The following ENO1 variants were observed in gnomAD, a reference collection of about 807,000 sequenced individuals.
ENO1 encodes enolase 1.
In ENO1, 33 loss-of-function variants were observed where a neutral mutation model predicts 46.3. The observed-to-expected ratio is 0.71, with a 90% CI of 0.54 to 0.95. The LOEUF (loss-of-function observed/expected upper bound fraction) is 0.95, where lower values mean the gene tolerates loss of function less well. Among genes scored for constraint, ENO1 ranks in the 40% least tolerant of loss-of-function variants. ENO1 has a pLI of 0.00. For synonymous variants in ENO1, 220 were observed against 216.0 expected (o/e 1.02, Z -0.16); for missense variants, 488 against 553.3 (o/e 0.88, Z 1.18).
Position 8,861,163 on chromosome 1 carries a change from T to A in ENO1, c.*197A>T, listed in dbSNP as rs531428896. On this transcript the variant is annotated 3_prime_UTR_variant, in exon 12 of 12. Transcript: ENST00000234590. ...TGGGCCAATTACACGACTGCAAAGCTAGAGCTGCCAACAGGGCTCCAGGGA... is the reference window on the plus strand; with the variant it reads ...TGGGCCAATTACACGACTGCAAAGCAAGAGCTGCCAACAGGGCTCCAGGGA... 5.4e-6 allele frequency: 3 copies of A among 554,578 alleles called. No homozygotes were observed. The Admixed American group carries it at 9.5e-5, about 18-fold the overall frequency. 34.4% of individuals were successfully genotyped at this position (554,578 alleles called of 1,614,324 possible). A position where few individuals can be genotyped will look rare whatever the true frequency, so the allele number is the denominator to read the frequency against.
At chr1:8,866,229 G>GC (rs778164360) in intron 7 of ENO1, 50 bp downstream of exon 7, 2 of 1,568,600 alleles carry the variant, frequency 1.3e-6, no homozygotes, top group Non-Finnish European at 8.7e-7. Context: ...CCAACAGAGG[G>GC]AGCTGGCGCT....
intron 2 of ENO1, among the ~76,000 whole-genome samples, chr1:8,874,322 C>T (rs774554448): frequency 3.2e-4 from 48 of 152,128 alleles, no homozygotes; most frequent in African/African-American, 1.0e-3. Flanking sequence ...CCTATAATGC[C>T]GGCACTTTGG....
intron 8 of ENO1, among the ~76,000 whole-genome samples, chr1:8,864,799 G>C (rs1300168767): frequency 6.6e-6 from 1 of 152,114 alleles, no homozygotes; most frequent in African/African-American, 2.4e-5. Context: ...AGATTTCCTG[G>C]TCTGAATTCT....
At chr1:8,878,266 G>A (rs961025846) in intron 1 of ENO1, 11 of 254,594 alleles carry the variant, frequency 4.3e-5, no homozygotes, top group African/African-American at 2.1e-4. Context: ...GCTGTGCTAA[G>A]CAGCTCGCGT....
In ENO1 at chr1:8,865,506, G is replaced by A. The variant is rs758445893; in HGVS notation, c.668-24C>T. On this transcript the variant is annotated intron_variant, in intron 7 of 11. Transcript: ENST00000234590. ...GCCTGGGAAGAGATGGTGACAACAG[G>A]TTTGGAAAACAGGTAGGTACAGAGA... The A allele has an allele frequency of 6.8e-6, 11 of 1,611,184 alleles. No homozygotes were observed. In the East Asian group the frequency reaches 1.3e-4, roughly 20 times the overall value.
At chr1:8,869,522 G>A (rs553259311) in intron 4 of ENO1, among the ~76,000 whole-genome samples, 10 of 152,220 alleles carry the variant, frequency 6.6e-5, no homozygotes, top group East Asian at 1.9e-4. Context: ...AAGAATAGAC[G>A]GAGGCTGTGG....
chr1:8,867,562 T>C (rs1451458080), intron 5 of ENO1, among the ~76,000 whole-genome samples: 1 of 151,850 alleles, frequency 6.6e-6, no homozygotes, highest in East Asian at 1.9e-4. Flanking sequence ...ATTTTTTTTT[T>C]TCTTTTTTTT....
chr1:8,866,127 T>A, intron 7 of ENO1, 152 bp downstream of exon 7: 1 of 588,828 alleles, frequency 1.7e-6, no homozygotes, highest in Non-Finnish European at 2.9e-6. Context: ...GAAGCTCCCC[T>A]TTTCCTCCTT....
At position 8,874,923 on chromosome 1, in the gene ENO1, G is replaced by C. The variant is rs1416686901; in HGVS notation, c.-9-6C>G. 12 of 1,606,930 alleles carry C rather than the reference G, an allele frequency of 7.5e-6. No homozygotes were observed. Among genetic ancestry groups the C allele is most frequent in the Non-Finnish European group, 1.0e-5 (12 of 1,174,630 alleles). On this transcript the variant is annotated splice_polypyrimidine_tract_variant and splice_region_variant and intron_variant, in intron 1 of 11. Transcript: ENST00000234590. ...AGAATAGACATGGTGAACTTCTGTA[G>C]AAGAAACACACAGTTCATGTTTTCC...
intron 3 of ENO1, chr1:8,871,188 C>A (rs754298318): frequency 2.8e-6 from 3 of 1,072,782 alleles, no homozygotes; most frequent in East Asian, 6.2e-5. Context: ...ACCACCACTG[C>A]GACACCAGCC....
chr1:8,866,121 C>A, intron 7 of ENO1, 158 bp downstream of exon 7: 3 of 542,940 alleles, frequency 5.5e-6, no homozygotes, highest in South Asian at 3.1e-5. Flanking sequence ...TAAAATGAAG[C>A]TCCCCTTTTC....
At chr1:8,874,978 A>T (rs1642706605) in intron 1 of ENO1, 61 bp from the exon 2 acceptor site, 1 of 1,399,572 alleles carries the variant, frequency 7.1e-7, no homozygotes, top group Admixed American at 1.7e-5. Flanking sequence ...TTCCTCACTC[A>T]TTCAAGGAAT....
intron 4 of ENO1, chr1:8,870,135 CCA>C: frequency 2.8e-6 from 1 of 363,004 alleles, no homozygotes; most frequent in Admixed American, 3.8e-5. Context: ...ATGGACACTA[CCA>C]CAAACACCCC....
chr1:8,870,217 C>T, intron 4 of ENO1: 2 of 542,100 alleles, frequency 3.7e-6, no homozygotes, highest in Non-Finnish European at 3.3e-6. Flanking sequence ...GGGAAGAAAC[C>T]TCAGGGCTCG....
rs1352832647 is a variant in ENO1, at chr1:8,867,973, C to T, written c.310+15G>A. On this transcript the variant is annotated intron_variant, in intron 5 of 11. Transcript: ENST00000234590. ...ATGATCTTCCCCAGTAAAGACGCCA[C>T]CTCAGGCCACTCACATTTATTTTCT... 1 of 1,613,136 alleles carries T rather than the reference C, an allele frequency of 6.2e-7. No individual in the cohort carries two copies. Among genetic ancestry groups the T allele is most frequent in the Non-Finnish European group, 8.5e-7 (1 of 1,179,248 alleles).
chr1:8,867,901 G>A (rs1352290703), intron 5 of ENO1, 87 bp downstream of exon 5: 1 of 1,192,840 alleles, frequency 8.4e-7, no homozygotes, highest in East Asian at 2.3e-5. Flanking sequence ...TCATCACTAA[G>A]ATCATGGGCC....
At chr1:8,874,543 A>G (rs1489599893) in intron 2 of ENO1, among the ~76,000 whole-genome samples, 5 of 128,910 alleles carry the variant, frequency 3.9e-5, no homozygotes, top group Non-Finnish European at 6.2e-5. Context: ...ATGCCACTGC[A>G]CTCCAGCCTG....
chr1:8,871,275 A>G lies in ENO1; in HGVS notation c.181+616T>C, dbSNP rs905406755. ...GAGTTTTCCGGGTGCCCCACTGAGA[A>G]TGCGTGATCTAGCCCTATGTGCTTT... On this transcript the variant is annotated intron_variant, in intron 3 of 11. Coordinates refer to ENST00000234590, the MANE Select transcript of ENO1 (RefSeq NM_001428.5). The G allele has an allele frequency of 7.0e-6, 7 of 1,003,524 alleles. No homozygotes were observed. The Admixed American group carries it at 2.9e-4, about 42-fold the overall frequency. The allele number at this position is 1,003,524 out of a possible 1,614,324, so 62.2% of individuals were successfully genotyped here.
At chr1:8,873,410 C>CA (rs1284407680) in intron 2 of ENO1, among the ~76,000 whole-genome samples, 2 of 152,196 alleles carry the variant, frequency 1.3e-5, no homozygotes, top group African/African-American at 2.4e-5. Context: ...AGGATTAAGA[C>CA]ACACAAGAGA....
Sources: allele counts gnomAD v4.1 joint callset (sites outside exome capture counted in the v4.1 genomes callset), GRCh38; gene constraint gnomAD v4.1.1; transcripts MANE v1.5; gene names NCBI Gene and HGNC (gene_info 2026-07-23, HGNC 2026-07-21).